STAU2: variants seen among roughly 807,000 people sequenced by gnomAD.
STAU2 encodes double-stranded RNA-binding protein Staufen homolog 2.
A neutral mutation model predicts 65.9 loss-of-function variants in STAU2; 20 were observed. That is an observed-to-expected ratio of 0.30 (90% CI 0.21 to 0.44). The LOEUF (loss-of-function observed/expected upper bound fraction) is 0.44, where lower values mean the gene tolerates loss of function less well. Ranked by LOEUF, STAU2 falls within the 20% of genes least tolerant of loss-of-function variation. The pLI is 1.00. For missense variants in STAU2, 558 were observed against 683.9 expected, an observed-to-expected ratio of 0.82 and a Z score of 2.05; for synonymous variants, 232 against 233.9, an observed-to-expected ratio of 0.99 and a Z score of 0.07.
chr8:73,666,906 C>G (rs1817280871), intron 6 of STAU2, among the ~76,000 whole-genome samples: 1 of 152,192 alleles, frequency 6.6e-6, no homozygotes, highest in Non-Finnish European at 1.5e-5. Context: ...CTACTTCCAA[C>G]AAGTCTTTAA....
Position 73,561,730 on chromosome 8 carries a change from A to G in STAU2, c.1223-9411T>C, listed in dbSNP as rs1434916951. On this transcript the variant is annotated intron_variant, in intron 12 of 14. Coordinates refer to ENST00000524300, the MANE Select transcript of STAU2 (RefSeq NM_001164380.2). ...ATACCTGCAAACGGCTCACAATACA[A>G]TAATAGTACAATACAATAACAATAA... 2.6e-5 allele frequency among the ~76,000 whole-genome samples: 4 copies of G among 152,212 alleles called. No individual in the cohort carries two copies. In the East Asian group the frequency reaches 5.8e-4, roughly 22 times the overall value.
chr8:73,692,961 A>T (rs1819437579), intron 4 of STAU2, among the ~76,000 whole-genome samples: 1 of 150,534 alleles, frequency 6.6e-6, no homozygotes, highest in South Asian at 2.1e-4. Context: ...GAAGTTCGAG[A>T]CCAGCCTGGG....
intron 4 of STAU2, among the ~76,000 whole-genome samples, chr8:73,696,369 G>C (rs1819694777): frequency 6.6e-6 from 1 of 152,172 alleles, no homozygotes; most frequent in Non-Finnish European, 1.5e-5. Flanking sequence ...AGGAAAACAT[G>C]ACCTAACCAA....
At chr8:73,576,533 G>C (rs1044351306) in intron 12 of STAU2, among the ~76,000 whole-genome samples, 2 of 152,090 alleles carry the variant, frequency 1.3e-5, no homozygotes, top group African/African-American at 4.8e-5. Context: ...GCTGGGGGAG[G>C]CATAGCCAAT....
At chr8:73,567,732 C>T (rs1586020841) in intron 12 of STAU2, among the ~76,000 whole-genome samples, 1 of 151,732 alleles carries the variant, frequency 6.6e-6, no homozygotes, top group African/African-American at 2.4e-5. Flanking sequence ...GTATTTTTAG[C>T]AGAGATGGAG....
intron 13 of STAU2, among the ~76,000 whole-genome samples, chr8:73,452,738 G>A (rs894149169): frequency 2.0e-5 from 3 of 152,184 alleles, no homozygotes; most frequent in African/African-American, 7.2e-5. Context: ...TTTTAGTTGG[G>A]CATTGCTTTT....
chr8:73,621,453 A>G (rs1247323341), intron 6 of STAU2, among the ~76,000 whole-genome samples: 2 of 152,218 alleles, frequency 1.3e-5, no homozygotes, highest in African/African-American at 4.8e-5. Context: ...ACATGAGATC[A>G]GACTAACACA....
intron 6 of STAU2, among the ~76,000 whole-genome samples, chr8:73,671,397 CAAAA>C (rs551679527): frequency 1.3e-5 from 2 of 149,424 alleles, no homozygotes; most frequent in African/African-American, 4.9e-5. Context: ...AACAAACAAA[CAAAA>C]AAAAACAAAA....
rs757042348 is a variant in STAU2 at position 73,603,746 on chromosome 8, G to A, written c.1009C>T (p.Arg337Cys). The change falls in exon 10 of 15, where the codon CGT (arginine) becomes TGT (cysteine). Residue 337 changes from arginine to cysteine, a missense_variant. Physicochemically the swap from Arg to Cys is radical, Grantham distance 180 (BLOSUM62 -3). Transcript: ENST00000524300. ...VLLSERGMPR[R>C]REFVMQVKVG... Reference sequence around the variant, plus strand: ...AATACCTGCATCACAAATTCTCGACGTCGAGGCATTCCTCTTTCTGAAAGC... The same window carrying A: ...AATACCTGCATCACAAATTCTCGACATCGAGGCATTCCTCTTTCTGAAAGC... The A allele has an allele frequency of 2.7e-5, 44 of 1,610,792 alleles. No individual in the cohort carries two copies. In the South Asian group the frequency reaches 3.5e-4, roughly 13 times the overall value.
intron 1 of STAU2, among the ~76,000 whole-genome samples, chr8:73,741,504 C>G (rs1806875008): frequency 6.6e-6 from 1 of 151,374 alleles, no homozygotes; most frequent in African/African-American, 2.4e-5. Context: ...TTTGAAAGTT[C>G]TAACCTTTTT....
At chr8:73,699,636 G>A (rs1000347669) in intron 4 of STAU2, among the ~76,000 whole-genome samples, 3 of 151,934 alleles carry the variant, frequency 2.0e-5, no homozygotes, top group Admixed American at 1.3e-4. Context: ...TCCAAAACCT[G>A]AGCAGACCAA....
chr8:73,706,143 G>A (rs554860317), intron 4 of STAU2, among the ~76,000 whole-genome samples: 68 of 152,036 alleles, frequency 4.5e-4, no homozygotes, highest in Non-Finnish European at 8.2e-4. Context: ...TTGAGACCGA[G>A]TCTCACTCTG....
chr8:73,570,690 C>A (rs1189378783), intron 12 of STAU2, among the ~76,000 whole-genome samples: 2 of 152,118 alleles, frequency 1.3e-5, no homozygotes, highest in Non-Finnish European at 2.9e-5. Flanking sequence ...ATTTTAAGGG[C>A]AGCCAGAGAG....
At chr8:73,645,186 A>G (rs531624015) in intron 6 of STAU2, among the ~76,000 whole-genome samples, 2 of 152,276 alleles carry the variant, frequency 1.3e-5, no homozygotes, top group South Asian at 2.1e-4. Flanking sequence ...AGAGACAAAA[A>G]ACCTTAATAG....
At chr8:73,664,916 T>C (rs1021383050) in intron 6 of STAU2, among the ~76,000 whole-genome samples, 8 of 152,080 alleles carry the variant, frequency 5.3e-5, no homozygotes, top group Admixed American at 4.6e-4. Flanking sequence ...CGCTCGAACC[T>C]GGGAAGCAAA....
chr8:73,529,084 T>C (rs529142002), intron 13 of STAU2, among the ~76,000 whole-genome samples: 1 of 152,230 alleles, frequency 6.6e-6, no homozygotes, highest in Non-Finnish European at 1.5e-5. Context: ...ATTCCCAAAG[T>C]ACTATAAAGA....
chr8:73,540,063 G>A (rs1321693461), intron 13 of STAU2, among the ~76,000 whole-genome samples: 1 of 151,092 alleles, frequency 6.6e-6, no homozygotes, highest in African/African-American at 2.5e-5. Flanking sequence ...AAGGAAAAAA[G>A]AGATATACAG....
chr8:73,717,212 A>T lies in STAU2; in HGVS notation c.-17-8050T>A, dbSNP rs191714100. On this transcript the variant is annotated intron_variant, in intron 3 of 14. Transcript: ENST00000524300. The stretch of plus-strand genomic sequence containing the variant: ...GAGGAATCACTACGAAAAAAATAAA[A>T]ATTTTTTTCCCAAACTGTGGCTTTT... Among the ~76,000 whole-genome samples the T allele has an allele frequency of 1.4e-3, 210 of 152,050 alleles. 1 individual carries two copies. Among genetic ancestry groups the T allele is most frequent in the African/African-American group, 3.9e-3 (161 of 41,474 alleles).
At chr8:73,702,087 G>A (rs1481791604) in intron 4 of STAU2, among the ~76,000 whole-genome samples, 1 of 152,100 alleles carries the variant, frequency 6.6e-6, no homozygotes, top group East Asian at 1.9e-4. Context: ...GGGAAAGGTA[G>A]CAGGAAGGTT....
Sources: allele counts gnomAD v4.1 joint callset (sites outside exome capture counted in the v4.1 genomes callset), GRCh38; gene constraint gnomAD v4.1.1; transcripts MANE v1.5; gene names NCBI Gene and HGNC (gene_info 2026-07-23, HGNC 2026-07-21).